Variants in RPS6KC1 observed in about 807,000 individuals in gnomAD.
RPS6KC1 encodes ribosomal protein S6 kinase C1, also known as inactive ribosomal protein S6 kinase delta-1.
Under a neutral mutation model 103.8 loss-of-function variants are expected in RPS6KC1, and 54 were observed. The ratio of observed to expected loss-of-function variants is 0.52; its 90% CI spans 0.42 to 0.65. RPS6KC1 has a LOEUF of 0.65. Among genes scored for constraint, RPS6KC1 ranks in the 30% least tolerant of loss-of-function variants. The pLI is 0.00. For synonymous variants in RPS6KC1, 439 were observed against 438.7 expected, an observed-to-expected ratio of 1.00 and a Z score of -0.01; for missense variants, 1,151 against 1,253.8, an observed-to-expected ratio of 0.92 and a Z score of 1.24.
the RPS6KC1 span, among the ~76,000 whole-genome samples, chr1:213,513,178 TGAA>T: frequency 2.0e-5 from 3 of 150,460 alleles, no homozygotes; most frequent in Non-Finnish European, 4.4e-5. Flanking sequence ...ACTTTGAAGA[TGAA>T]GGAGGAGGGC....
At chr1:213,848,384 CA>C in the RPS6KC1 span, among the ~76,000 whole-genome samples, 1 of 152,096 alleles carries the variant, frequency 6.6e-6, no homozygotes, top group Non-Finnish European at 1.5e-5. Context: ...TATATTAATG[CA>C]AGCATACAGT....
At chr1:213,151,368 G>A (rs1258935674) in intron 6 of RPS6KC1, among the ~76,000 whole-genome samples, 14 of 104,444 alleles carry the variant, frequency 1.3e-4, no homozygotes, top group African/African-American at 2.4e-4. Context: ...CCTCCCTCCC[G>A]GACGGGGCGG....
the RPS6KC1 span, among the ~76,000 whole-genome samples, chr1:213,753,286 C>T: frequency 6.6e-6 from 1 of 152,188 alleles, no homozygotes; most frequent in Non-Finnish European, 1.5e-5. Context: ...GTGGATCTGG[C>T]ATGGACTATT....
chr1:213,105,308 T>C (rs2082380386), intron 4 of RPS6KC1, among the ~76,000 whole-genome samples: 1 of 151,864 alleles, frequency 6.6e-6, no homozygotes, highest in Non-Finnish European at 1.5e-5. Flanking sequence ...TTGTTGTATT[T>C]AATTACTACA....
chr1:213,352,620 G>C, the RPS6KC1 span, among the ~76,000 whole-genome samples: 1 of 152,202 alleles, frequency 6.6e-6, no homozygotes, highest in African/African-American at 2.4e-5. Context: ...AAGCTTCTCA[G>C]TTGGAAGGAG....
the RPS6KC1 span, among the ~76,000 whole-genome samples, chr1:213,632,333 T>C: frequency 2.0e-5 from 3 of 152,132 alleles, no homozygotes; most frequent in Admixed American, 6.6e-5. Flanking sequence ...GCTCCCAGCA[T>C]GATTGATGCA....
the RPS6KC1 span, among the ~76,000 whole-genome samples, chr1:213,616,520 T>C: frequency 6.6e-6 from 1 of 152,110 alleles, no homozygotes; most frequent in South Asian, 2.1e-4. Context: ...GAATTTAAAA[T>C]CCAGAGCCTA....
chr1:213,631,165 A>C, the RPS6KC1 span, among the ~76,000 whole-genome samples: 1 of 152,048 alleles, frequency 6.6e-6, no homozygotes, highest in Non-Finnish European at 1.5e-5. Context: ...TTCCCTGGTG[A>C]GGCGATGCCT....
chr1:213,506,174 T>C, the RPS6KC1 span, among the ~76,000 whole-genome samples: 3 of 152,204 alleles, frequency 2.0e-5, no homozygotes, highest in Non-Finnish European at 2.9e-5. Flanking sequence ...TATAGACTCT[T>C]GGCATTGCTG....
At chr1:213,158,947 ATTAC>A (rs2090191356) in intron 6 of RPS6KC1, among the ~76,000 whole-genome samples, 1 of 152,166 alleles carries the variant, frequency 6.6e-6, no homozygotes, top group Admixed American at 6.5e-5. Flanking sequence ...GGTATACACT[ATTAC>A]TTATTATATA....
chr1:213,528,576 A>G, the RPS6KC1 span, among the ~76,000 whole-genome samples: 1 of 152,178 alleles, frequency 6.6e-6, no homozygotes, highest in Admixed American at 6.5e-5. Context: ...GAGTAGAAAG[A>G]ACACTGGCCC....
chr1:213,631,397 A>G, the RPS6KC1 span, among the ~76,000 whole-genome samples: 3 of 143,972 alleles, frequency 2.1e-5, no homozygotes, highest in Admixed American at 6.8e-5. Flanking sequence ...AAAAAAATAG[A>G]TTTACTCTAT....
At chr1:213,221,509 G>C (rs962393389) in intron 8 of RPS6KC1, among the ~76,000 whole-genome samples, 2 of 152,186 alleles carry the variant, frequency 1.3e-5, no homozygotes, top group Non-Finnish European at 2.9e-5. Flanking sequence ...GCTGCCACCA[G>C]CTAAACTGGT....
chr1:213,358,685 A>G, the RPS6KC1 span, among the ~76,000 whole-genome samples: 74 of 151,912 alleles, frequency 4.9e-4, no homozygotes, highest in African/African-American at 1.8e-3. Context: ...GCTTTTGAAT[A>G]TGTTTGCTCT....
the RPS6KC1 span, among the ~76,000 whole-genome samples, chr1:213,363,687 T>TCTC: frequency 4.6e-5 from 4 of 86,602 alleles, no homozygotes; most frequent in Non-Finnish European, 6.8e-5. Flanking sequence ...TCTTTCTTTC[T>TCTC]TTCTTTCTTT....
At chr1:213,585,283 T>G in the RPS6KC1 span, among the ~76,000 whole-genome samples, 1 of 152,142 alleles carries the variant, frequency 6.6e-6, no homozygotes, top group South Asian at 2.1e-4. Context: ...GGATGGTGAA[T>G]CCTCATCACA....
chr1:213,804,147 TAA>T, the RPS6KC1 span, among the ~76,000 whole-genome samples: 2 of 32,618 alleles, frequency 6.1e-5, no homozygotes, highest in African/African-American at 7.8e-5. Flanking sequence ...AAGTCAAACA[TAA>T]AAAAAAAAAT....
At chr1:213,417,223 A>C in the RPS6KC1 span, among the ~76,000 whole-genome samples, 21 of 152,198 alleles carry the variant, frequency 1.4e-4, 1 homozygote, top group Admixed American at 1.3e-3. Flanking sequence ...ATTTGCTACG[A>C]ATCTTTATTT....
In RPS6KC1 at chr1:213,232,271, G is replaced by A. The variant is rs1410642772; in HGVS notation, c.1225+16G>A. 5 of 1,613,618 alleles carry A rather than the reference G, an allele frequency of 3.1e-6. No homozygotes were observed. The highest frequency in any genetic ancestry group is 1.6e-4 in the Middle Eastern group (1 of 6,076). ...CATGCGGAAGGTTGGTTTGTAGTTT[G>A]GATTGTTTATGCAGTGAAGAATGTC... On this transcript the variant is annotated intron_variant, in intron 10 of 14. Transcript: ENST00000366960.
Sources: allele counts gnomAD v4.1 joint callset (sites outside exome capture counted in the v4.1 genomes callset), GRCh38; gene constraint gnomAD v4.1.1; transcripts MANE v1.5; gene names NCBI Gene and HGNC (gene_info 2026-07-23, HGNC 2026-07-21).